CNTN4: variants seen among roughly 807,000 people sequenced by gnomAD.
CNTN4 encodes contactin-4.
Under a neutral mutation model 122.5 loss-of-function variants are expected in CNTN4, and 77 were observed. The ratio of observed to expected loss-of-function variants is 0.63; its 90% CI spans 0.52 to 0.76. The LOEUF is 0.76. Ranked by LOEUF, CNTN4 falls within the 30% of genes least tolerant of loss-of-function variation. The pLI is 0.00. For missense variants in CNTN4, 1,256 were observed against 1,259.1 expected (o/e 1.00, Z 0.04); for synonymous variants, 512 against 447.0 (o/e 1.15, Z -1.83).
intron 4 of CNTN4, among the ~76,000 whole-genome samples, chr3:2,628,916 C>T (rs970664455): frequency 1.3e-5 from 2 of 152,150 alleles, no homozygotes; most frequent in Non-Finnish European, 2.9e-5. Context: ...CTGAGAAAAG[C>T]TTCCCCAGTT....
chr3:2,617,192 G>A (rs1161629959), intron 4 of CNTN4, among the ~76,000 whole-genome samples: 1 of 152,092 alleles, frequency 6.6e-6, no homozygotes, highest in Non-Finnish European at 1.5e-5. Flanking sequence ...ACTATCATCA[G>A]AGTGAATAGG....
chr3:2,665,548 T>G (rs2084110513), intron 4 of CNTN4, among the ~76,000 whole-genome samples: 2 of 152,180 alleles, frequency 1.3e-5, no homozygotes, highest in African/African-American at 4.8e-5. Flanking sequence ...TTGAGCCTCT[T>G]TGTGAACTGG....
At chr3:2,562,815 T>C (rs546835399) in intron 3 of CNTN4, among the ~76,000 whole-genome samples, 1 of 151,962 alleles carries the variant, frequency 6.6e-6, no homozygotes. Flanking sequence ...ACTCCAAATA[T>C]TGAGCTCAAA....
rs182348557 is a variant in CNTN4 at position 2,289,377 on chromosome 3, A to G, written c.-144-49801A>G. On this transcript the variant is annotated intron_variant, in intron 2 of 24. Transcript: ENST00000418658. ...CCTAGGAAGATTTCAAAACTTTTGT[A>G]TGTTTAGTTTTCTCATCTGTGAAAT... is the stretch of plus-strand genomic sequence containing the variant. Among the ~76,000 whole-genome samples the G allele has an allele frequency of 3.0e-3, 452 of 152,272 alleles. 4 individuals carry two copies. The highest frequency in any genetic ancestry group is 0.01 in the African/African-American group (435 of 41,556).
At chr3:3,016,443 T>C (rs1329822351) in intron 14 of CNTN4, among the ~76,000 whole-genome samples, 1 of 152,194 alleles carries the variant, frequency 6.6e-6, no homozygotes, top group Admixed American at 6.6e-5. Context: ...ACCCTGCTAC[T>C]GAAGCATGGC....
Position 2,111,292 on chromosome 3 carries a change from G to A in CNTN4, c.-145+10653G>A, listed in dbSNP as rs528024992. On this transcript the variant is annotated intron_variant, in intron 2 of 24. Transcript: ENST00000418658. ...AATAATTGAAATTCACCAGCATATT[G>A]TTGTTTATAGTATGTGGTGTAAGTG... Among the ~76,000 whole-genome samples the A allele has an allele frequency of 8.3e-4, 127 of 152,216 alleles. 1 individual carries two copies. Among genetic ancestry groups the A allele is most frequent in the African/African-American group, 2.9e-3 (122 of 41,554 alleles).
intron 13 of CNTN4, chr3:2,927,285 CTT>C (rs1169643604): frequency 2.2e-6 from 1 of 455,714 alleles, no homozygotes; most frequent in African/African-American, 2.0e-5. Flanking sequence ...GGCAATTTCT[CTT>C]TTGCACCTAG....
intron 7 of CNTN4, among the ~76,000 whole-genome samples, chr3:2,842,413 T>C (rs1452625690): frequency 1.3e-5 from 2 of 152,194 alleles, no homozygotes; most frequent in African/African-American, 2.4e-5. Context: ...AGAACTTCAC[T>C]CTAGCTATCG....
At chr3:2,585,379 C>T (rs1325295980) in intron 4 of CNTN4, among the ~76,000 whole-genome samples, 2 of 151,544 alleles carry the variant, frequency 1.3e-5, no homozygotes, top group African/African-American at 2.4e-5. Flanking sequence ...GCTATAAAGA[C>T]ACATGCACAC....
In CNTN4 at chr3:2,600,443, A is replaced by T. The variant is rs192264120; in HGVS notation, c.55+28885A>T. ...TCAATTCCCACCTATGAGTGAGAACATGCGGTGTTTGGTTTTCTGTCCTTG... is the reference window on the plus strand; with the variant it reads ...TCAATTCCCACCTATGAGTGAGAACTTGCGGTGTTTGGTTTTCTGTCCTTG... On this transcript the variant is annotated intron_variant, in intron 4 of 24. Coordinates refer to ENST00000418658, the MANE Select transcript of CNTN4 (RefSeq NM_175607.3). Among the ~76,000 whole-genome samples the T allele has an allele frequency of 1.2e-4, 19 of 152,154 alleles. No homozygotes were observed. In the East Asian group the frequency reaches 2.1e-3, roughly 17 times the overall value.
chr3:2,457,999 C>A (rs1180164159), intron 3 of CNTN4, among the ~76,000 whole-genome samples: 1 of 152,134 alleles, frequency 6.6e-6, no homozygotes, highest in Non-Finnish European at 1.5e-5. Context: ...GACCAAACAT[C>A]TCCCACCTTC....
intron 14 of CNTN4, among the ~76,000 whole-genome samples, chr3:3,006,815 A>G (rs1234160638): frequency 6.6e-6 from 1 of 152,210 alleles, no homozygotes; most frequent in Admixed American, 6.5e-5. Context: ...CCTCCTTAAA[A>G]TGGGAGGTCC....
intron 3 of CNTN4, among the ~76,000 whole-genome samples, chr3:2,342,170 C>T (rs1323276321): frequency 6.6e-6 from 1 of 152,054 alleles, no homozygotes; most frequent in Non-Finnish European, 1.5e-5. Context: ...AATATTTGAA[C>T]AGATAATCTC....
intron 13 of CNTN4, among the ~76,000 whole-genome samples, chr3:2,932,358 A>G (rs906409086): frequency 2.2e-4 from 33 of 152,204 alleles, no homozygotes; most frequent in Non-Finnish European, 3.2e-4. Flanking sequence ...AGCCTGAGTG[A>G]CAGAGCGAGA....
At chr3:2,853,679 C>T (rs1225003991) in intron 7 of CNTN4, among the ~76,000 whole-genome samples, 1 of 152,232 alleles carries the variant, frequency 6.6e-6, no homozygotes, top group East Asian at 1.9e-4. Flanking sequence ...TTCTCCCAGA[C>T]CAGCTTGTCA....
chr3:2,108,867 T>C (rs879065383), intron 2 of CNTN4, among the ~76,000 whole-genome samples: 1 of 152,218 alleles, frequency 6.6e-6, no homozygotes, highest in Admixed American at 6.5e-5. Flanking sequence ...AAGCATCCAG[T>C]ACACAGCTTT....
intron 3 of CNTN4, among the ~76,000 whole-genome samples, chr3:2,366,762 A>G (rs1013726886): frequency 6.7e-6 from 1 of 150,160 alleles, no homozygotes; most frequent in Non-Finnish European, 1.5e-5. Context: ...TAATAATAAT[A>G]AATAAATAAA....
At chr3:2,738,869 A>C (rs949747501) in intron 5 of CNTN4, among the ~76,000 whole-genome samples, 70 of 152,232 alleles carry the variant, frequency 4.6e-4, no homozygotes, top group African/African-American at 1.1e-3. Context: ...AATATGACAG[A>C]AAAAATACAA....
At chr3:2,705,289 A>T (rs1401366272) in intron 4 of CNTN4, among the ~76,000 whole-genome samples, 2 of 145,780 alleles carry the variant, frequency 1.4e-5, no homozygotes, top group African/African-American at 2.5e-5. Flanking sequence ...AATGGCGGGA[A>T]CCTAGGAGGC....
Sources: allele counts gnomAD v4.1 joint callset (sites outside exome capture counted in the v4.1 genomes callset), GRCh38; gene constraint gnomAD v4.1.1; transcripts MANE v1.5; gene names NCBI Gene and HGNC (gene_info 2026-07-23, HGNC 2026-07-21).